Variants in HS3ST4 observed in about 807,000 individuals in gnomAD.
HS3ST4 encodes heparan sulfate-glucosamine 3-sulfotransferase 4.
A neutral mutation model predicts 29.2 loss-of-function variants in HS3ST4; 17 were observed. The ratio of observed to expected loss-of-function variants is 0.58; its 90% CI spans 0.40 to 0.87. The LOEUF is 0.87. Among genes scored for constraint, HS3ST4 ranks in the 40% least tolerant of loss-of-function variants. HS3ST4 has a pLI of 0.00. For synonymous variants in HS3ST4, 314 were observed against 285.7 expected (o/e 1.10, Z -1.00); for missense variants, 627 against 634.5 (o/e 0.99, Z 0.13).
intron 1 of HS3ST4, among the ~76,000 whole-genome samples, chr16:26,124,399 T>A (rs1430693863): frequency 6.6e-6 from 1 of 152,168 alleles, no homozygotes; most frequent in East Asian, 1.9e-4. Flanking sequence ...TTGGTTTTCC[T>A]TTAAGAAACA....
intron 1 of HS3ST4, among the ~76,000 whole-genome samples, chr16:25,837,253 G>T (rs945901183): frequency 6.6e-6 from 1 of 152,210 alleles, no homozygotes; most frequent in Non-Finnish European, 1.5e-5. Context: ...AATCACATGA[G>T]GATCCTGGGT....
intron 1 of HS3ST4, among the ~76,000 whole-genome samples, chr16:26,105,289 A>G (rs1294680885): frequency 6.6e-6 from 1 of 152,192 alleles, no homozygotes; most frequent in Non-Finnish European, 1.5e-5. Flanking sequence ...AGTGGGAGCT[A>G]AGCATTGAGT....
At chr16:26,000,719 G>A (rs745962550) in intron 1 of HS3ST4, among the ~76,000 whole-genome samples, 6 of 152,156 alleles carry the variant, frequency 3.9e-5, no homozygotes, top group South Asian at 2.1e-4. Context: ...ATCAAAAGGC[G>A]AGTGTGTACT....
chr16:25,699,293 G>T (rs1364594437), intron 1 of HS3ST4, among the ~76,000 whole-genome samples: 2 of 152,176 alleles, frequency 1.3e-5, no homozygotes, highest in Non-Finnish European at 2.9e-5. Context: ...TTTTGTAACA[G>T]CATGGGGGAA....
intron 1 of HS3ST4, among the ~76,000 whole-genome samples, chr16:25,945,399 C>G (rs1968615204): frequency 6.6e-6 from 1 of 152,154 alleles, no homozygotes; most frequent in Non-Finnish European, 1.5e-5. Context: ...AGTCAGTCCA[C>G]TAGTACTAAA....
Position 25,867,994 on chromosome 16 carries a change from G to A in HS3ST4, c.734+174843G>A, listed in dbSNP as rs547257327. On this transcript the variant is annotated intron_variant, in intron 1 of 1. Transcript: ENST00000331351. ...GGTAGGTATTATGTAAGTATGGGTAGGTAGACTAGATATGTATGTTTCTCC... is the reference window on the plus strand; with the variant it reads ...GGTAGGTATTATGTAAGTATGGGTAAGTAGACTAGATATGTATGTTTCTCC... 5.9e-5 allele frequency among the ~76,000 whole-genome samples: 9 copies of A among 152,246 alleles called. No individual in the cohort carries two copies. In the South Asian group the frequency reaches 1.9e-3, roughly 32 times the overall value.
intron 1 of HS3ST4, among the ~76,000 whole-genome samples, chr16:25,824,229 C>A (rs1233819397): frequency 1.3e-5 from 2 of 152,184 alleles, no homozygotes; most frequent in Non-Finnish European, 2.9e-5. Flanking sequence ...CAGGGAGAAC[C>A]AAGACCTGGC....
At chr16:25,853,312 G>GTGTA (rs922724384) in intron 1 of HS3ST4, among the ~76,000 whole-genome samples, 12 of 91,640 alleles carry the variant, frequency 1.3e-4, no homozygotes, top group South Asian at 4.1e-4. Flanking sequence ...GTGTGTGTGT[G>GTGTA]TATATATATA....
At chr16:26,121,405 G>C (rs1899275517) in intron 1 of HS3ST4, among the ~76,000 whole-genome samples, 1 of 152,200 alleles carries the variant, frequency 6.6e-6, no homozygotes, top group South Asian at 2.1e-4. Flanking sequence ...ATGAAAACCT[G>C]GCAAATTGGA....
In HS3ST4 at chr16:25,948,606, G is replaced by C. The variant is rs544611093; in HGVS notation, c.735-187006G>C. ...AATATTGCCCAGTCTGTACCCCTTTGTTCTAATCACTTGTATTGATTCTTG... is the reference window on the plus strand; with the variant it reads ...AATATTGCCCAGTCTGTACCCCTTTCTTCTAATCACTTGTATTGATTCTTG... On this transcript the variant is annotated intron_variant, in intron 1 of 1. Coordinates refer to ENST00000331351, the MANE Select transcript of HS3ST4 (RefSeq NM_006040.3). Among the ~76,000 whole-genome samples, 186 of 152,142 alleles carry C rather than the reference G, an allele frequency of 1.2e-3. 1 individual carries two copies. The highest frequency in any genetic ancestry group is 4.5e-3 in the African/African-American group (185 of 41,496).
intron 1 of HS3ST4, among the ~76,000 whole-genome samples, chr16:25,760,421 A>AT (rs1345115816): frequency 2.7e-5 from 1 of 37,308 alleles, no homozygotes; most frequent in African/African-American, 1.1e-4. Flanking sequence ...TAATGACTCC[A>AT]TGTTTTTTTT....
intron 1 of HS3ST4, among the ~76,000 whole-genome samples, chr16:25,813,081 C>T (rs770180394): frequency 2.0e-4 from 31 of 152,110 alleles, no homozygotes; most frequent in Non-Finnish European, 2.8e-4. Context: ...GTATAAAGAA[C>T]GCCTACGTAT....
At chr16:26,097,229 A>G in intron 1 of HS3ST4, among the ~76,000 whole-genome samples, 1 of 141,738 alleles carries the variant, frequency 7.1e-6, no homozygotes, top group Admixed American at 7.1e-5. Flanking sequence ...ATTGGAAAAA[A>G]CTACTTTAAA....
At chr16:25,875,719 G>T (rs1432142038) in intron 1 of HS3ST4, among the ~76,000 whole-genome samples, 1 of 152,062 alleles carries the variant, frequency 6.6e-6, no homozygotes, top group Admixed American at 6.6e-5. Context: ...ATTTCCAGTA[G>T]CCCTAAGTGT....
At chr16:25,750,044 G>A (rs182694392) in intron 1 of HS3ST4, among the ~76,000 whole-genome samples, 3 of 152,306 alleles carry the variant, frequency 2.0e-5, no homozygotes, top group Non-Finnish European at 4.4e-5. Flanking sequence ...ATACAAAAAG[G>A]TTGTTTCCCT....
At chr16:26,097,530 A>T (rs994503720) in intron 1 of HS3ST4, among the ~76,000 whole-genome samples, 1 of 152,240 alleles carries the variant, frequency 6.6e-6, no homozygotes, top group Admixed American at 6.5e-5. Context: ...GGCTAGCCAT[A>T]TGTAGAAAGC....
Position 25,956,202 on chromosome 16 carries a change from A to G in HS3ST4, c.735-179410A>G, listed in dbSNP as rs1461933677. On this transcript the variant is annotated intron_variant, in intron 1 of 1. Coordinates refer to ENST00000331351, the MANE Select transcript of HS3ST4 (RefSeq NM_006040.3). ...ATGCATCCTCTCGTCTTATTCTTCA[A>G]CAACATGAAACATTGTTTGCCATTT... 3.3e-5 allele frequency among the ~76,000 whole-genome samples: 5 copies of G among 152,086 alleles called. No individual in the cohort carries two copies. In the East Asian group the frequency reaches 9.6e-4, roughly 29 times the overall value.
chr16:26,115,052 A>G (rs758301514), intron 1 of HS3ST4, among the ~76,000 whole-genome samples: 2 of 152,154 alleles, frequency 1.3e-5, no homozygotes, highest in Non-Finnish European at 2.9e-5. Context: ...TAAAAGTGAT[A>G]TGTACCCTGA....
intron 1 of HS3ST4, among the ~76,000 whole-genome samples, chr16:26,115,943 G>T (rs995519975): frequency 6.6e-6 from 1 of 152,204 alleles, no homozygotes; most frequent in Non-Finnish European, 1.5e-5. Context: ...CCTTCTATTT[G>T]TGGCAATTGT....
Sources: gnomAD v4.1 joint callset for allele counts (sites outside exome capture counted in the v4.1 genomes callset) on GRCh38, gnomAD v4.1.1 for gene constraint, MANE v1.5 for transcripts, NCBI Gene and HGNC (gene_info 2026-07-23, HGNC 2026-07-21) for gene names.